BCR: variants seen among roughly 807,000 people sequenced by gnomAD.
The protein encoded by BCR is BCR activator of RhoGEF and GTPase, also known as breakpoint cluster region protein.
In BCR, 58 loss-of-function variants were observed where a neutral mutation model predicts 138.6. The ratio of observed to expected loss-of-function variants is 0.42; its 90% CI spans 0.34 to 0.52. The LOEUF is 0.52. Ranked by LOEUF, BCR falls within the 20% of genes least tolerant of loss-of-function variation. The pLI is 0.06. For missense variants in BCR, 1,599 were observed against 1,727.2 expected (o/e 0.93, Z 1.32); for synonymous variants, 786 against 730.1 (o/e 1.08, Z -1.23).
intron 1 of BCR, 112 bp from the exon 2 acceptor site, chr22:23,253,687 T>A: frequency 1.5e-6 from 2 of 1,309,624 alleles, no homozygotes; most frequent in South Asian, 2.8e-5. Flanking sequence ...GAGGTCGTTG[T>A]GAGATGCCTG....
At chr22:23,208,549 G>C (rs1602015963) in intron 1 of BCR, among the ~76,000 whole-genome samples, 1 of 152,026 alleles carries the variant, frequency 6.6e-6, no homozygotes, top group African/African-American at 2.4e-5. Flanking sequence ...TTTTTGTCTT[G>C]TACAACAAAA....
intron 4 of BCR, chr22:23,263,465 G>A: frequency 1.4e-6 from 2 of 1,473,434 alleles, no homozygotes; most frequent in Non-Finnish European, 1.9e-6. Flanking sequence ...TGCTGAAGTG[G>A]AGATGCAGTC....
intron 1 of BCR, among the ~76,000 whole-genome samples, chr22:23,205,936 G>A (rs7287313): frequency 0.07 from 10,673 of 152,180 alleles, 1,249 homozygotes; most frequent in African/African-American, 0.24. Context: ...TGATGCAATC[G>A]ATGACAGAGC....
chr22:23,193,430 A>G (rs536072315), intron 1 of BCR, among the ~76,000 whole-genome samples: 1 of 152,254 alleles, frequency 6.6e-6, no homozygotes, highest in Non-Finnish European at 1.5e-5. Flanking sequence ...CTGGTCTCAT[A>G]GAGTCTCCTG....
chr22:23,191,953 C>T (rs965006678), intron 1 of BCR, among the ~76,000 whole-genome samples: 3 of 152,282 alleles, frequency 2.0e-5, no homozygotes, highest in Non-Finnish European at 4.4e-5. Context: ...TTCCCGAATC[C>T]TCAGACTGGG....
At chr22:23,266,178 G>T (rs951392145) in intron 4 of BCR, among the ~76,000 whole-genome samples, 9 of 151,606 alleles carry the variant, frequency 5.9e-5, no homozygotes, top group Admixed American at 3.3e-4. Flanking sequence ...TCTGCCTCCT[G>T]GGTTCAGGCG....
chr22:23,198,278 G>A (rs764057926), intron 1 of BCR: 9 of 447,394 alleles, frequency 2.0e-5, no homozygotes, highest in African/African-American at 4.2e-5. Context: ...GTCCACCGTC[G>A]GCCTGCTCTG....
At chr22:23,219,836 T>C (rs1239212041) in intron 1 of BCR, among the ~76,000 whole-genome samples, 1 of 152,230 alleles carries the variant, frequency 6.6e-6, no homozygotes, top group Non-Finnish European at 1.5e-5. Context: ...TGTAGTTCTC[T>C]GTCCCCGACC....
chr22:23,213,556 C>T (rs1031720978), intron 1 of BCR, among the ~76,000 whole-genome samples: 1 of 152,160 alleles, frequency 6.6e-6, no homozygotes, highest in African/African-American at 2.4e-5. Context: ...AGCGTGGTGG[C>T]TCACGCCTGT....
intron 2 of BCR, among the ~76,000 whole-genome samples, chr22:23,257,631 C>T (rs1474567815): frequency 4.6e-5 from 7 of 152,234 alleles, no homozygotes; most frequent in Middle Eastern, 3.2e-3. Flanking sequence ...GTAGGAGGCA[C>T]CTGCAGGGGC....
intron 1 of BCR, among the ~76,000 whole-genome samples, chr22:23,198,053 G>A (rs1208137578): frequency 6.6e-6 from 1 of 152,170 alleles, no homozygotes; most frequent in Non-Finnish European, 1.5e-5. Flanking sequence ...GCGTCCTGGG[G>A]GAGGTCACGT....
At chr22:23,307,419 T>TG (rs131695) in intron 16 of BCR, 49,990 of 139,936 alleles carry the variant, frequency 0.36, 9,422 homozygotes, top group East Asian at 0.76. Context: ...AGCAGTGGTA[T>TG]AAACTCCTCC....
In BCR at chr22:23,316,484, T is replaced by C. The variant is rs1272993370; in HGVS notation, c.*962T>C. On this transcript the variant is annotated 3_prime_UTR_variant, in exon 23 of 23. Transcript: ENST00000305877. ...TTGCTGATGACTTGTTTTAAAACTTTCATCCTAAATAACCTTTTGATACTT... is the reference window on the plus strand; with the variant it reads ...TTGCTGATGACTTGTTTTAAAACTTCCATCCTAAATAACCTTTTGATACTT... The C allele has an allele frequency of 1.1e-5, 2 of 174,526 alleles. 1 individual carries two copies. The highest frequency in any genetic ancestry group is 1.6e-4 in the Admixed American group (2 of 12,638). 10.8% of individuals were successfully genotyped at this position (174,526 alleles called of 1,614,324 possible).
At chr22:23,268,380 C>A in intron 4 of BCR, 28 bp from the exon 5 acceptor site, 1 of 1,560,694 alleles carries the variant, frequency 6.4e-7, no homozygotes, top group South Asian at 1.2e-5. Context: ...AGCACCTGTC[C>A]CACTCTCTCT....
chr22:23,180,594 G>GGCGGCA lies in BCR; in HGVS notation c.-362_-361insAGCGGC. On this transcript the variant is annotated 5_prime_UTR_variant, in exon 1 of 23. Coordinates refer to ENST00000305877, the MANE Select transcript of BCR (RefSeq NM_004327.4). Reference sequence around the variant, plus strand: ...GAGGCGGCGGCGGCGGCGGCGGCACGGCGGCGGCGGGGCTGTGGGGCGGTG... The same window carrying GGCGGCA: ...GAGGCGGCGGCGGCGGCGGCGGCACGGCGGCAGCGGCGGCGGGGCTGTGGGGCGGTG... 1 of 120,026 alleles carries GGCGGCA rather than the reference G, an allele frequency of 8.3e-6. No individual in the cohort carries two copies. The highest frequency in any genetic ancestry group is 1.5e-5 in the Non-Finnish European group (1 of 64,752). 7.4% of individuals were successfully genotyped at this position (120,026 alleles called of 1,614,324 possible).
chr22:23,214,727 T>C (rs1261607425), intron 1 of BCR, among the ~76,000 whole-genome samples: 1 of 152,180 alleles, frequency 6.6e-6, no homozygotes, highest in Non-Finnish European at 1.5e-5. Context: ...AGAGTCGGCG[T>C]TTGTGAGCGT....
intron 15 of BCR, among the ~76,000 whole-genome samples, chr22:23,293,027 G>T (rs1041630351): frequency 3.9e-5 from 6 of 152,036 alleles, no homozygotes; most frequent in African/African-American, 1.2e-4. Context: ...TGCTGGTGGG[G>T]CTGGGACAGG....
Position 23,192,491 on chromosome 22 carries a change from C to T in BCR, c.1279+10252C>T, listed in dbSNP as rs116360764. Among the ~76,000 whole-genome samples, 1,337 of 152,348 alleles carry T rather than the reference C, an allele frequency of 8.8e-3. 22 individuals are homozygous for T. Among genetic ancestry groups the T allele is most frequent in the African/African-American group, 0.031 (1,274 of 41,558 alleles). ...GGTCGGCTTTGGTCTGGTGGGAAGA[C>T]AGCCTCATTAACCTAAGTGCCATGA... On this transcript the variant is annotated intron_variant, in intron 1 of 22. Coordinates refer to ENST00000305877, the MANE Select transcript of BCR (RefSeq NM_004327.4).
rs749603912 is a variant in BCR, at chr22:23,271,605, T to G, written c.1921+13T>G. ...AACTCTCTGGAAAGTGAGTTCTGCA[T>G]GCTGAGGTCTCTGTGTGCCCTCGTC... On this transcript the variant is annotated intron_variant, in intron 6 of 22. Coordinates refer to ENST00000305877, the MANE Select transcript of BCR (RefSeq NM_004327.4). 10 of 1,613,108 alleles carry G rather than the reference T, an allele frequency of 6.2e-6. No individual in the cohort carries two copies. In the East Asian group the frequency reaches 2.2e-4, roughly 36 times the overall value.
Sources: allele counts gnomAD v4.1 joint callset (sites outside exome capture counted in the v4.1 genomes callset), GRCh38; gene constraint gnomAD v4.1.1; transcripts MANE v1.5; gene names NCBI Gene and HGNC (gene_info 2026-07-23, HGNC 2026-07-21).